Variants in FUT8 observed in about 807,000 individuals in gnomAD.
FUT8 encodes alpha-(1,6)-fucosyltransferase.
FUT8 carries 29 observed loss-of-function variants against 71.3 expected under a neutral mutation model. The observed-to-expected ratio is 0.41, with a 90% CI of 0.30 to 0.55. The LOEUF (loss-of-function observed/expected upper bound fraction) is 0.55, where lower values mean the gene tolerates loss of function less well. Among genes scored for constraint, FUT8 ranks in the 20% least tolerant of loss-of-function variants. The pLI is 0.34. For missense variants in FUT8, 544 were observed against 702.1 expected, an observed-to-expected ratio of 0.77 and a Z score of 2.55; for synonymous variants, 254 against 239.3, an observed-to-expected ratio of 1.06 and a Z score of -0.57.
chr14:65,720,319 C>T (rs1004818109), intron 7 of FUT8, among the ~76,000 whole-genome samples: 1 of 151,428 alleles, frequency 6.6e-6, no homozygotes, highest in Admixed American at 6.6e-5. Flanking sequence ...CTTCAGTCAG[C>T]TTGTGGTGAA....
At chr14:65,474,527 A>G (rs2066205272) in intron 2 of FUT8, among the ~76,000 whole-genome samples, 1 of 148,730 alleles carries the variant, frequency 6.7e-6, no homozygotes, top group Non-Finnish European at 1.5e-5. Context: ...TGAACCTGGG[A>G]GGCAGAGGTT....
chr14:65,704,913 T>A (rs951213068), intron 7 of FUT8, among the ~76,000 whole-genome samples: 1 of 152,204 alleles, frequency 6.6e-6, no homozygotes, highest in Non-Finnish European at 1.5e-5. Flanking sequence ...TGTCAGAATA[T>A]CATTGAGATC....
chr14:65,611,287 ACACACACACACACACC>A (rs1566851526), intron 3 of FUT8, among the ~76,000 whole-genome samples: 426 of 42,310 alleles, frequency 0.01, 69 homozygotes, highest in African/African-American at 0.016. Context: ...ACACACACAC[ACACACACACACACACC>A]CCCCAAGTAA....
chr14:65,437,478 A>G (rs2065579212), intron 1 of FUT8, among the ~76,000 whole-genome samples: 1 of 152,182 alleles, frequency 6.6e-6, no homozygotes, highest in African/African-American at 2.4e-5. Flanking sequence ...ATTTGGTCTT[A>G]TCACCACTAA....
At chr14:65,475,557 A>G (rs1317027547) in intron 2 of FUT8, among the ~76,000 whole-genome samples, 5 of 152,192 alleles carry the variant, frequency 3.3e-5, no homozygotes, top group African/African-American at 9.6e-5. Context: ...TGGGCAACAT[A>G]GTGAGACCCT....
chr14:65,537,069 G>T, intron 2 of FUT8, among the ~76,000 whole-genome samples: 2 of 145,830 alleles, frequency 1.4e-5, no homozygotes, highest in East Asian at 2.1e-4. Context: ...GTTAATACTT[G>T]AGATTCTTAT....
At chr14:65,475,464 A>C (rs1031990941) in intron 2 of FUT8, among the ~76,000 whole-genome samples, 3 of 152,152 alleles carry the variant, frequency 2.0e-5, no homozygotes, top group African/African-American at 7.2e-5. Context: ...TAACATTAAA[A>C]GTGTCAGGAT....
At chr14:65,366,774 T>G in the FUT8 span, among the ~76,000 whole-genome samples, 1,453 of 152,330 alleles carry the variant, frequency 9.5e-3, 25 homozygotes, top group African/African-American at 0.033. Context: ...ATTGAAATTC[T>G]TTTAAACCAG....
chr14:65,415,934 T>C (rs1028964257), intron 1 of FUT8, among the ~76,000 whole-genome samples: 1 of 152,226 alleles, frequency 6.6e-6, no homozygotes, highest in Non-Finnish European at 1.5e-5. Flanking sequence ...TCACATATTC[T>C]TTAAATCCAA....
intron 8 of FUT8, 65 bp downstream of exon 8, chr14:65,722,086 T>C (rs1056094000): frequency 1.3e-6 from 2 of 1,560,438 alleles, no homozygotes; most frequent in Admixed American, 3.7e-5. Flanking sequence ...ATCTTTACAA[T>C]ATATTGTGAA....
At chr14:65,613,792 A>G (rs1035945833) in intron 3 of FUT8, among the ~76,000 whole-genome samples, 3 of 152,078 alleles carry the variant, frequency 2.0e-5, no homozygotes, top group Non-Finnish European at 4.4e-5. Context: ...GCTATAAAAA[A>G]CCTTTCGTAT....
chr14:65,697,620 G>T (rs1594910281), intron 7 of FUT8, among the ~76,000 whole-genome samples: 1 of 152,188 alleles, frequency 6.6e-6, no homozygotes, highest in African/African-American at 2.4e-5. Context: ...TATAATGATA[G>T]TAATCATCAC....
intron 2 of FUT8, among the ~76,000 whole-genome samples, chr14:65,541,736 C>G (rs1020159996): frequency 1.3e-5 from 2 of 152,222 alleles, no homozygotes; most frequent in African/African-American, 4.8e-5. Context: ...TACCAGTGAT[C>G]TGGGTATCCC....
At chr14:65,568,453 T>G (rs1165791618) in intron 3 of FUT8, among the ~76,000 whole-genome samples, 1 of 151,686 alleles carries the variant, frequency 6.6e-6, no homozygotes, top group African/African-American at 2.4e-5. Flanking sequence ...CTTTCAGTTG[T>G]ATTCCATAAG....
At chr14:65,509,384 G>T (rs1343086573) in intron 2 of FUT8, among the ~76,000 whole-genome samples, 3 of 151,964 alleles carry the variant, frequency 2.0e-5, no homozygotes, top group Non-Finnish European at 2.9e-5. Context: ...TTCTGCTTAG[G>T]ATGGCTTTGG....
chr14:65,480,402 C>T (rs905305442), intron 2 of FUT8, among the ~76,000 whole-genome samples: 3 of 150,208 alleles, frequency 2.0e-5, no homozygotes, highest in South Asian at 2.1e-4. Flanking sequence ...GCAGCCTCAA[C>T]CTCCCCAGGC....
rs963818796 is a variant in FUT8, at chr14:65,467,230, T to C, written c.-228+11512T>C. On this transcript the variant is annotated intron_variant, in intron 2 of 10. Coordinates refer to ENST00000673929, the MANE Select transcript of FUT8 (RefSeq NM_001371533.1). This position sits in a 1 kb window ranked among gnomAD's most constrained non-coding sequence, Gnocchi z 4.1. ...ATTTCTTCACTTTTGGAGGATACTT[T>C]TGCTGGGATTCTATAGGCATTCTAG... Among the ~76,000 whole-genome samples the C allele has an allele frequency of 1.3e-5, 2 of 152,166 alleles. No individual in the cohort carries two copies. Among genetic ancestry groups the C allele is most frequent in the African/African-American group, 2.4e-5 (1 of 41,456 alleles).
chr14:65,433,783 C>A (rs977948503), intron 1 of FUT8, among the ~76,000 whole-genome samples: 3 of 111,258 alleles, frequency 2.7e-5, no homozygotes, highest in Non-Finnish European at 5.4e-5. Context: ...TCTCTTCTGT[C>A]TCTTCTCTCT....
chr14:65,504,801 G>A (rs149787295), intron 2 of FUT8, among the ~76,000 whole-genome samples: 213 of 152,156 alleles, frequency 1.4e-3, no homozygotes, highest in Admixed American at 2.5e-3. Flanking sequence ...TGATCTGCCC[G>A]CCTTGGCCTC....
Sources: gnomAD v4.1 joint callset for allele counts (sites outside exome capture counted in the v4.1 genomes callset) on GRCh38, gnomAD v4.1.1 for gene constraint, Gnocchi (gnomAD v3.1) non-coding constraint, MANE v1.5 for transcripts, NCBI Gene and HGNC (gene_info 2026-07-23, HGNC 2026-07-21) for gene names.